Variants in AGBL4 observed in about 807,000 individuals in gnomAD.
AGBL4 encodes the protein AGBL carboxypeptidase 4, also known as cytosolic carboxypeptidase 6.
In AGBL4, 58 loss-of-function variants were observed where a neutral mutation model predicts 66.4. The ratio of observed to expected loss-of-function variants is 0.87; its 90% confidence interval spans 0.71 to 1.09. The LOEUF (loss-of-function observed/expected upper bound fraction) is 1.09, where lower values mean the gene tolerates loss of function less well. Among genes scored for constraint, AGBL4 ranks in the 50% least tolerant of loss-of-function variants. The pLI is 0.00. For synonymous variants in AGBL4, 234 were observed against 222.9 expected, an observed-to-expected ratio of 1.05 and a Z score of -0.44; for missense variants, 579 against 631.0, an observed-to-expected ratio of 0.92 and a Z score of 0.88.
intron 6 of AGBL4, among the ~76,000 whole-genome samples, chr1:48,684,309 G>A (rs965164479): frequency 6.6e-6 from 1 of 152,226 alleles, no homozygotes; most frequent in African/African-American, 2.4e-5. Flanking sequence ...GTCTATGTTA[G>A]TGAATAGTCC....
At chr1:48,526,522 C>T in the AGBL4 span, among the ~76,000 whole-genome samples, 1,675 of 152,210 alleles carry the variant, frequency 0.011, 24 homozygotes, top group African/African-American at 0.038. Flanking sequence ...GCAGCTGCAG[C>T]GGCAGGAGGA....
chr1:48,863,703 G>A (rs1647707037), intron 6 of AGBL4, among the ~76,000 whole-genome samples: 1 of 152,054 alleles, frequency 6.6e-6, no homozygotes, highest in Admixed American at 6.6e-5. Context: ...CTAATGGGTA[G>A]AAATATAGAC....
At chr1:49,565,024 G>C (rs1052452854) in intron 3 of AGBL4, among the ~76,000 whole-genome samples, 8 of 152,200 alleles carry the variant, frequency 5.3e-5, no homozygotes, top group African/African-American at 9.7e-5. Flanking sequence ...AGGATAGCTA[G>C]TTCTTCTTGT....
At chr1:49,639,467 T>A (rs148713426) in intron 3 of AGBL4, among the ~76,000 whole-genome samples, 1 of 152,336 alleles carries the variant, frequency 6.6e-6, no homozygotes, top group Admixed American at 6.5e-5. Flanking sequence ...TGGAGCATAT[T>A]CTTCTTATCC....
chr1:49,992,612 T>C (rs1439718772), intron 1 of AGBL4, among the ~76,000 whole-genome samples: 1 of 151,998 alleles, frequency 6.6e-6, no homozygotes, highest in Non-Finnish European at 1.5e-5. Context: ...CCATCAAAGT[T>C]CCTTCTGCCT....
intron 6 of AGBL4, among the ~76,000 whole-genome samples, chr1:48,790,557 TA>T (rs1358155231): frequency 1.1e-4 from 16 of 152,112 alleles, no homozygotes; most frequent in Admixed American, 5.9e-4. Context: ...CTAGAGATGA[TA>T]AAACTGAGGC....
intron 4 of AGBL4, among the ~76,000 whole-genome samples, chr1:49,167,056 C>T (rs1013245982): frequency 6.6e-6 from 1 of 152,172 alleles, no homozygotes; most frequent in Non-Finnish European, 1.5e-5. Flanking sequence ...TCTTACCTAA[C>T]CTTTTCCACA....
At chr1:48,658,288 A>G (rs1356914107) in intron 7 of AGBL4, among the ~76,000 whole-genome samples, 1 of 152,242 alleles carries the variant, frequency 6.6e-6, no homozygotes, top group Non-Finnish European at 1.5e-5. Context: ...ATATGCCTGC[A>G]TGATTTTCTC....
chr1:48,840,144 C>A (rs948359787), intron 6 of AGBL4, among the ~76,000 whole-genome samples: 1 of 152,130 alleles, frequency 6.6e-6, no homozygotes, highest in African/African-American at 2.4e-5. Context: ...TACCTTCAGT[C>A]TCTTAATTTT....
intron 4 of AGBL4, among the ~76,000 whole-genome samples, chr1:49,100,840 C>T (rs1196874082): frequency 1.3e-5 from 2 of 152,200 alleles, no homozygotes; most frequent in Non-Finnish European, 2.9e-5. Flanking sequence ...AGGCATTTTA[C>T]ATAATTTATC....
At chr1:49,399,581 T>C (rs1645041475) in intron 3 of AGBL4, among the ~76,000 whole-genome samples, 1 of 152,156 alleles carries the variant, frequency 6.6e-6, no homozygotes, top group African/African-American at 2.4e-5. Context: ...TTATCTGCAT[T>C]TCTTTGATAA....
intron 2 of AGBL4, among the ~76,000 whole-genome samples, chr1:49,732,611 G>T (rs1649540528): frequency 6.6e-6 from 1 of 152,162 alleles, no homozygotes; most frequent in African/African-American, 2.4e-5. Context: ...AAATTCTAGT[G>T]TGGAAGAATA....
At chr1:48,952,801 C>T (rs1657114167) in intron 5 of AGBL4, among the ~76,000 whole-genome samples, 1 of 152,148 alleles carries the variant, frequency 6.6e-6, no homozygotes, top group South Asian at 2.1e-4. Flanking sequence ...TCCAAGATAG[C>T]TTTGAATGGG....
At chr1:49,573,245 G>T (rs1177244311) in intron 3 of AGBL4, among the ~76,000 whole-genome samples, 2 of 150,870 alleles carry the variant, frequency 1.3e-5, no homozygotes, top group African/African-American at 2.4e-5. Context: ...TTTAGTACCA[G>T]GAGAGGTTCT....
chr1:49,576,070 G>C (rs1644430538), intron 3 of AGBL4, among the ~76,000 whole-genome samples: 1 of 152,086 alleles, frequency 6.6e-6, no homozygotes, highest in Admixed American at 6.6e-5. Flanking sequence ...AAATTTCTAG[G>C]GTACAGTAGT....
At chr1:49,944,881 T>A (rs1458887606) in intron 1 of AGBL4, among the ~76,000 whole-genome samples, 1 of 151,752 alleles carries the variant, frequency 6.6e-6, no homozygotes, top group Non-Finnish European at 1.5e-5. Flanking sequence ...AATCAAAACT[T>A]CAGGAAACCA....
chr1:48,927,233 A>C (rs12756672), intron 5 of AGBL4, among the ~76,000 whole-genome samples: 29,663 of 152,042 alleles, frequency 0.2, 3,309 homozygotes, highest in East Asian at 0.37. Context: ...TTAATGGGCT[A>C]ACAGTTCCAC....
At chr1:49,534,015 A>G (rs373555659) in intron 3 of AGBL4, among the ~76,000 whole-genome samples, 1 of 152,036 alleles carries the variant, frequency 6.6e-6, no homozygotes, top group Non-Finnish European at 1.5e-5. Context: ...AGAGGGGTCA[A>G]ATTTCTATAA....
chr1:49,790,712 A>C (rs972783224), intron 2 of AGBL4, among the ~76,000 whole-genome samples: 1 of 152,192 alleles, frequency 6.6e-6, no homozygotes, highest in Non-Finnish European at 1.5e-5. Flanking sequence ...ATAAGCAAAA[A>C]CAGAGGGGAT....
Sources: gnomAD v4.1 joint callset for allele counts (sites outside exome capture counted in the v4.1 genomes callset) on GRCh38, gnomAD v4.1.1 for gene constraint, MANE v1.5 for transcripts, NCBI Gene and HGNC (gene_info 2026-07-23, HGNC 2026-07-21) for gene names.